Variants in AGBL4 observed in about 807,000 individuals in gnomAD.
The protein encoded by AGBL4 is AGBL carboxypeptidase 4.
Under a neutral mutation model 66.4 loss-of-function variants are expected in AGBL4, and 58 were observed. That is an observed-to-expected ratio of 0.87 (90% CI 0.71 to 1.09). The LOEUF (loss-of-function observed/expected upper bound fraction) is 1.09, where lower values mean the gene tolerates loss of function less well. Among genes scored for constraint, AGBL4 ranks in the 50% least tolerant of loss-of-function variants. AGBL4 has a pLI of 0.00. For missense variants in AGBL4, 579 were observed against 631.0 expected (o/e 0.92, Z 0.88); for synonymous variants, 234 against 222.9 (o/e 1.05, Z -0.44).
intron 6 of AGBL4, among the ~76,000 whole-genome samples, chr1:48,804,013 T>C (rs1645865728): frequency 6.6e-6 from 1 of 152,212 alleles, no homozygotes; most frequent in African/African-American, 2.4e-5. Flanking sequence ...AGATTAAAAA[T>C]CTTAGATTAT....
chr1:48,898,866 G>A (rs562493890), intron 5 of AGBL4, among the ~76,000 whole-genome samples: 2 of 152,308 alleles, frequency 1.3e-5, no homozygotes, highest in East Asian at 3.9e-4. Context: ...AGTTTTCCCT[G>A]AGAATTTTGT....
At chr1:49,882,744 C>T (rs964718085) in intron 1 of AGBL4, among the ~76,000 whole-genome samples, 1 of 152,072 alleles carries the variant, frequency 6.6e-6, no homozygotes, top group Non-Finnish European at 1.5e-5. Context: ...ATTTTGTATC[C>T]TGAGACCTTG....
chr1:49,850,597 T>C (rs895858187), intron 2 of AGBL4, among the ~76,000 whole-genome samples: 10 of 152,072 alleles, frequency 6.6e-5, no homozygotes, highest in Non-Finnish European at 1.3e-4. Context: ...ATAAACAAAT[T>C]TTCAATTGTT....
intron 3 of AGBL4, among the ~76,000 whole-genome samples, chr1:49,283,857 T>C (rs1441524284): frequency 2.7e-5 from 4 of 145,728 alleles, no homozygotes; most frequent in African/African-American, 1.0e-4. Context: ...CTCCAAGAAA[T>C]ATGGGACTAT....
intron 6 of AGBL4, chr1:48,727,883 A>T (rs1389669909): frequency 1.3e-6 from 2 of 1,598,824 alleles, no homozygotes; most frequent in Non-Finnish European, 8.5e-7. Flanking sequence ...AAAAATCCAA[A>T]GTTTATTGCA....
chr1:48,605,500 C>T (rs895911199), intron 9 of AGBL4, among the ~76,000 whole-genome samples: 1 of 152,218 alleles, frequency 6.6e-6, no homozygotes, highest in African/African-American at 2.4e-5. Flanking sequence ...CTAAAGGCTT[C>T]CCTACGCCAT....
At chr1:49,108,539 T>C (rs1645342567) in intron 4 of AGBL4, among the ~76,000 whole-genome samples, 2 of 152,172 alleles carry the variant, frequency 1.3e-5, no homozygotes, top group South Asian at 2.1e-4. Context: ...TCATAGAAAC[T>C]ACTTTCTGCA....
At chr1:48,665,112 A>C (rs938612899) in intron 6 of AGBL4, among the ~76,000 whole-genome samples, 9 of 152,240 alleles carry the variant, frequency 5.9e-5, no homozygotes, top group African/African-American at 1.9e-4. Context: ...TGGGATGATC[A>C]GTATGGGTGG....
intron 5 of AGBL4, among the ~76,000 whole-genome samples, chr1:48,970,793 A>G (rs1328102611): frequency 1.3e-5 from 2 of 152,160 alleles, no homozygotes; most frequent in Admixed American, 6.6e-5. Context: ...CAGAGCATCA[A>G]GAGGCTATGA....
chr1:48,660,772 A>G lies in AGBL4; in HGVS notation c.724+2380T>C, dbSNP rs141133560. Among the ~76,000 whole-genome samples the G allele has an allele frequency of 2.9e-3, 445 of 152,308 alleles. 2 individuals are homozygous for G. The highest frequency in any genetic ancestry group is 4.1e-3 in the Non-Finnish European group (281 of 68,014). On this transcript the variant is annotated intron_variant, in intron 7 of 13. Coordinates refer to ENST00000371839, the MANE Select transcript of AGBL4 (RefSeq NM_032785.4). ...TTAGCCGTGTGACTTTGGGTAAGCC[A>G]TTGTGCTTCCCTGAGGCTCCGCATC...
chr1:49,981,811 A>G (rs1189513985), intron 1 of AGBL4, among the ~76,000 whole-genome samples: 1 of 152,242 alleles, frequency 6.6e-6, no homozygotes, highest in Non-Finnish European at 1.5e-5. Context: ...TCTGGTAAAT[A>G]AATCTGATAA....
intron 4 of AGBL4, among the ~76,000 whole-genome samples, chr1:49,092,870 C>T (rs1383857190): frequency 6.6e-6 from 1 of 152,140 alleles, no homozygotes; most frequent in Non-Finnish European, 1.5e-5. Flanking sequence ...CTTGCAGTTA[C>T]TTGAATGGCA....
intron 6 of AGBL4, among the ~76,000 whole-genome samples, chr1:48,757,471 A>G (rs912731301): frequency 6.6e-6 from 1 of 152,218 alleles, no homozygotes; most frequent in African/African-American, 2.4e-5. Context: ...GGCCAAGGCA[A>G]TGGTAGAGTT....
At chr1:49,529,355 A>G (rs764430338) in intron 3 of AGBL4, among the ~76,000 whole-genome samples, 1 of 152,154 alleles carries the variant, frequency 6.6e-6, no homozygotes, top group Non-Finnish European at 1.5e-5. Flanking sequence ...CCTGAATGAA[A>G]TGTAGAACAA....
At chr1:49,832,970 T>C (rs894475705) in intron 2 of AGBL4, among the ~76,000 whole-genome samples, 92 of 152,114 alleles carry the variant, frequency 6.0e-4, no homozygotes, top group African/African-American at 1.7e-3. Flanking sequence ...GGTAGTTTCT[T>C]TTGCTGTGCA....
intron 2 of AGBL4, among the ~76,000 whole-genome samples, chr1:49,746,011 T>C (rs1450288953): frequency 1.3e-5 from 2 of 152,012 alleles, no homozygotes; most frequent in African/African-American, 4.8e-5. Flanking sequence ...TTTCAAAGTT[T>C]TGAAATAATA....
At chr1:49,082,196 G>C (rs1644821079) in intron 4 of AGBL4, among the ~76,000 whole-genome samples, 1 of 152,200 alleles carries the variant, frequency 6.6e-6, no homozygotes. Flanking sequence ...TGTGATGTAG[G>C]AGAGAAGACA....
intron 3 of AGBL4, among the ~76,000 whole-genome samples, chr1:49,619,921 C>A (rs1173335472): frequency 6.6e-6 from 1 of 152,068 alleles, no homozygotes; most frequent in Non-Finnish European, 1.5e-5. Context: ...TAGCCACATG[C>A]AGAAAACTGA....
intron 1 of AGBL4, among the ~76,000 whole-genome samples, chr1:49,940,854 TAATA>T (rs1654684154): frequency 1.3e-5 from 2 of 151,554 alleles, no homozygotes; most frequent in East Asian, 3.9e-4. Flanking sequence ...AGTATAATAA[TAATA>T]AAAAAAATAG....
Sources: allele counts gnomAD v4.1 joint callset (sites outside exome capture counted in the v4.1 genomes callset), GRCh38; gene constraint gnomAD v4.1.1; transcripts MANE v1.5; gene names NCBI Gene and HGNC (gene_info 2026-07-23, HGNC 2026-07-21).